The following OPN3 variants were observed in gnomAD, a reference collection of about 807,000 sequenced individuals.
OPN3 encodes the protein opsin 3, also known as opsin-3.
A neutral mutation model predicts 33.8 loss-of-function variants in OPN3; 29 were observed. That is an observed-to-expected ratio of 0.86 (90% CI 0.64 to 1.17). The LOEUF (loss-of-function observed/expected upper bound fraction) is 1.17, where lower values mean the gene tolerates loss of function less well. Among genes scored for constraint, OPN3 ranks in the 50% most tolerant of loss-of-function variants. The pLI, the probability that OPN3 is intolerant of heterozygous loss-of-function variation, is 0.00. For synonymous variants in OPN3, 216 were observed against 216.1 expected (o/e 1.00, Z 0.00); for missense variants, 437 against 514.1 (o/e 0.85, Z 1.45).
At chr1:241,629,553 C>T (rs1664537374) in intron 1 of OPN3, 1 of 152,030 alleles carries the variant, frequency 6.6e-6, no homozygotes, top group Non-Finnish European at 1.5e-5. Context: ...ATGTGTAATG[C>T]AAATAGCTTC....
At chr1:241,603,297 A>T (rs975459468) in intron 2 of OPN3, among the ~76,000 whole-genome samples, 1 of 152,206 alleles carries the variant, frequency 6.6e-6, no homozygotes, top group Non-Finnish European at 1.5e-5. Flanking sequence ...TGGTCCGATA[A>T]ATCAGAAGCA....
chr1:241,626,732 TAA>T (rs1371538457), intron 1 of OPN3, among the ~76,000 whole-genome samples: 6 of 152,270 alleles, frequency 3.9e-5, no homozygotes, highest in African/African-American at 1.4e-4. Flanking sequence ...TGATAAAAAA[TAA>T]AGTTTCCCCA....
At chr1:241,615,951 A>G (rs1558441691) in intron 1 of OPN3, 1 of 456,702 alleles carries the variant, frequency 2.2e-6, no homozygotes, top group Non-Finnish European at 4.4e-6. Context: ...AGGCAAACGG[A>G]CATTAACATC....
In OPN3 at chr1:241,640,327, G is replaced by A; in HGVS notation, c.-73C>T. 2 of 1,085,504 alleles carry A rather than the reference G, an allele frequency of 1.8e-6. No individual in the cohort carries two copies. The highest frequency in any genetic ancestry group is 1.7e-5 in the African/African-American group (1 of 59,468). The allele number at this position is 1,085,504 out of a possible 1,614,324, so 67.2% of individuals were successfully genotyped here. ...GGGGCTCGCGGCGCGCTCCGCACTG[G>A]GTGGGGTTGGGGCTCCGCCGCCTGC... On this transcript the variant is annotated 5_prime_UTR_variant, in exon 1 of 4. Coordinates refer to ENST00000366554, the MANE Select transcript of OPN3 (RefSeq NM_014322.3).
chr1:241,600,102 G>A lies in OPN3; in HGVS notation c.694-2105C>T, dbSNP rs373302775. Among the ~76,000 whole-genome samples, 9 of 152,088 alleles carry A rather than the reference G, an allele frequency of 5.9e-5. No homozygotes were observed. In the South Asian group the frequency reaches 6.2e-4, roughly 11 times the overall value. Reference sequence around the variant, plus strand: ...GGCAGGTCAGTCTTTATCCCCTCTCGCCATTTATCAAAGGAGAACACTCAT... The same window carrying A: ...GGCAGGTCAGTCTTTATCCCCTCTCACCATTTATCAAAGGAGAACACTCAT... On this transcript the variant is annotated intron_variant, in intron 2 of 3. Transcript: ENST00000366554.
intron 1 of OPN3, among the ~76,000 whole-genome samples, chr1:241,639,653 G>A (rs1253505082): frequency 1.3e-5 from 2 of 151,624 alleles, no homozygotes; most frequent in African/African-American, 4.9e-5. Context: ...ATGGAGTCCT[G>A]GACAGCGTGG....
chr1:241,620,165 T>C (rs1664237785), intron 1 of OPN3, among the ~76,000 whole-genome samples: 2 of 151,948 alleles, frequency 1.3e-5, no homozygotes, highest in African/African-American at 4.8e-5. Flanking sequence ...AATCTGAAAA[T>C]TTGCCCAGCA....
chr1:241,618,128 C>T (rs1249619347), intron 1 of OPN3, among the ~76,000 whole-genome samples: 3 of 152,214 alleles, frequency 2.0e-5, no homozygotes, highest in Non-Finnish European at 4.4e-5. Flanking sequence ...GACCCATTCA[C>T]ATTCTACTAT....
At chr1:241,621,643 G>A (rs776925671) in intron 1 of OPN3, among the ~76,000 whole-genome samples, 1 of 152,120 alleles carries the variant, frequency 6.6e-6, no homozygotes, top group Non-Finnish European at 1.5e-5. Flanking sequence ...AGGGTTCTTG[G>A]GGGCAGCCAG....
Position 241,640,357 on chromosome 1 carries a change from G to A in OPN3, c.-103C>T, listed in dbSNP as rs1665082361. On this transcript the variant is annotated 5_prime_UTR_variant, in exon 1 of 4. Coordinates refer to ENST00000366554, the MANE Select transcript of OPN3 (RefSeq NM_014322.3). ...GGTTGGGGCTCCGCCGCCTGCTCTA[G>A]CCATTGTGCACTGAGGGGCCCGCGC... 6.7e-6 allele frequency: 7 copies of A among 1,042,232 alleles called. 1 individual carries two copies. The South Asian group carries it at 2.3e-4, about 34-fold the overall frequency. The allele number at this position is 1,042,232 out of a possible 1,614,324, so 64.6% of individuals were successfully genotyped here.
chr1:241,598,061 T>C lies in OPN3; in HGVS notation c.694-64A>G, dbSNP rs1573949557. ...AAAAGAAGGGTTTCTTTTGTTGTTT[T>C]TATAACAGATATTCAGACACCATTC... On this transcript the variant is annotated intron_variant, in intron 2 of 3. Coordinates refer to ENST00000366554, the MANE Select transcript of OPN3 (RefSeq NM_014322.3). 14 of 1,535,876 alleles carry C rather than the reference T, an allele frequency of 9.1e-6. No individual in the cohort carries two copies. The East Asian group carries it at 3.3e-4, about 36-fold the overall frequency.
At chr1:241,639,218 C>A (rs1158475020) in intron 1 of OPN3, 1 of 152,218 alleles carries the variant, frequency 6.6e-6, no homozygotes, top group African/African-American at 2.4e-5. Flanking sequence ...TGTAATCTCA[C>A]CCAAGATTCT....
chr1:241,611,790 A>G (rs1220071357), intron 1 of OPN3, among the ~76,000 whole-genome samples: 3 of 152,160 alleles, frequency 2.0e-5, no homozygotes, highest in African/African-American at 7.2e-5. Context: ...ATTCTAGAGA[A>G]TTTTATTTTC....
chr1:241,604,123 C>T (rs2148000696), intron 2 of OPN3, 137 bp downstream of exon 2: 1 of 706,480 alleles, frequency 1.4e-6, no homozygotes, highest in Non-Finnish European at 2.4e-6. Context: ...TAAAATTCAA[C>T]CAGATGGGAA....
At chr1:241,628,217 A>G (rs1348075207) in intron 1 of OPN3, among the ~76,000 whole-genome samples, 1 of 152,156 alleles carries the variant, frequency 6.6e-6, no homozygotes, top group East Asian at 1.9e-4. Flanking sequence ...TGCTAGTTAC[A>G]GTGGGGAGTG....
intron 1 of OPN3, 35 bp from the exon 2 acceptor site, chr1:241,604,614 T>A: frequency 6.4e-7 from 1 of 1,569,854 alleles, no homozygotes; most frequent in Non-Finnish European, 8.7e-7. Context: ...TATAGCATGG[T>A]GCAGGGGGAA....
intron 1 of OPN3, chr1:241,630,429 G>A (rs1276600373): frequency 6.6e-6 from 1 of 152,044 alleles, no homozygotes; most frequent in Non-Finnish European, 1.5e-5. Flanking sequence ...TTAAATTGCA[G>A]TTTGTCACTG....
chr1:241,635,090 C>A, intron 1 of OPN3: 2 of 1,612,808 alleles, frequency 1.2e-6, no homozygotes, highest in Non-Finnish European at 1.7e-6. Context: ...AAACCTCCTG[C>A]CTTCTTTAAC....
intron 1 of OPN3, among the ~76,000 whole-genome samples, chr1:241,607,909 CT>C (rs1318646996): frequency 6.6e-6 from 1 of 152,038 alleles, no homozygotes. Context: ...AGGTAGATGA[CT>C]TTCATATTCA....
Sources: gnomAD v4.1 joint callset for allele counts (sites outside exome capture counted in the v4.1 genomes callset) on GRCh38, gnomAD v4.1.1 for gene constraint, MANE v1.5 for transcripts, NCBI Gene and HGNC (gene_info 2026-07-23, HGNC 2026-07-21) for gene names.